ZNF331: variants seen among roughly 807,000 people sequenced by gnomAD.
The protein encoded by ZNF331 is zinc finger protein 331.
In ZNF331, 2 loss-of-function variants were observed where a neutral mutation model predicts 7.0. That is an observed-to-expected ratio of 0.29 (90% CI 0.12 to 0.90). The LOEUF is 0.90. Among genes scored for constraint, ZNF331 ranks in the 40% least tolerant of loss-of-function variants. ZNF331 has a pLI of 0.58. For missense variants in ZNF331, 432 were observed against 587.7 expected, an observed-to-expected ratio of 0.74 and a Z score of 2.74; for synonymous variants, 196 against 205.4, an observed-to-expected ratio of 0.95 and a Z score of 0.39.
At chr19:53,518,491 C>A (rs12984958), upstream of ZNF331, among the ~76,000 whole-genome samples, 51,389 of 152,014 alleles carry the variant, frequency 0.34, 8,890 homozygotes, top group Middle Eastern at 0.42. Context: ...AGACATATAT[C>A]CTATTAGTTC....
chr19:53,576,819 G>A lies in ZNF331; in HGVS notation c.259G>A (p.Gly87Ser). The A allele has an allele frequency of 6.2e-7, 1 of 1,614,164 alleles. No individual in the cohort carries two copies. Among genetic ancestry groups the A allele is most frequent in the Non-Finnish European group, 8.5e-7 (1 of 1,180,038 alleles). ...CCTTGGCCGTAACTGGATATGTGAA[G>A]GTACGCTTGAAAGACCACAGCGCTC... ...KSLGRNWICE[G>S]TLERPQRSRG... Residue 87 changes from glycine (G) to serine (S), a missense_variant, in exon 6 of 6, where the codon GGT becomes AGT. Gly to Ser is a moderately conservative substitution (Grantham distance 56, BLOSUM62 0). This residue lies in a region of ZNF331 where 81 missense variants were observed against 70.3 expected (regional missense o/e 1.15). Transcript: ENST00000449416.
At chr19:53,557,504 A>T (rs143782606) in intron 3 of ZNF331, among the ~76,000 whole-genome samples, 2 of 152,150 alleles carry the variant, frequency 1.3e-5, no homozygotes, top group Non-Finnish European at 2.9e-5. Context: ...ATACCATCAC[A>T]TTGGGGAACA....
At chr19:53,520,648 C>T (rs939616281), upstream of ZNF331, among the ~76,000 whole-genome samples, 2 of 152,222 alleles carry the variant, frequency 1.3e-5, no homozygotes, top group African/African-American at 4.8e-5. Context: ...GCGCTTCCAG[C>T]GCTAAGGATT....
intron 2 of ZNF331, among the ~76,000 whole-genome samples, chr19:53,546,161 A>T (rs982443870): frequency 6.9e-6 from 1 of 144,186 alleles, no homozygotes; most frequent in African/African-American, 2.6e-5. Flanking sequence ...AAAAAAAAAA[A>T]TTATTATTTA....
At chr19:53,550,529 CTTTT>C (rs60619357) in intron 2 of ZNF331, among the ~76,000 whole-genome samples, 4 of 64,540 alleles carry the variant, frequency 6.2e-5, no homozygotes, top group Non-Finnish European at 1.0e-4. Flanking sequence ...TCTATTTTGT[CTTTT>C]TTTTTTTTTT....
chr19:53,577,676 G>A lies in ZNF331; in HGVS notation c.1116G>A (p.Gln372=). The A allele has an allele frequency of 6.2e-7, 1 of 1,614,152 alleles. No homozygotes were observed. Among genetic ancestry groups the A allele is most frequent in the Non-Finnish European group, 8.5e-7 (1 of 1,180,038 alleles). Residue 372 remains glutamine, a synonymous_variant, in exon 6 of 6, where the codon CAG becomes CAA. Coordinates refer to ENST00000449416, the MANE Select transcript of ZNF331 (RefSeq NM_001079906.2). ...KAFNCGYHLT[Q]HERIHTGETP... is the part of the protein sequence containing the mutation. ...TCAATTGTGGCTATCACCTCACTCA[G>A]CACGAGAGAATCCACACAGGCGAAA...
upstream of ZNF331, among the ~76,000 whole-genome samples, chr19:53,515,634 AT>A (rs561532987): frequency 2.0e-3 from 305 of 152,244 alleles, no homozygotes; most frequent in African/African-American, 7.2e-3. Context: ...AGTAGCTGGG[AT>A]TACAGGCATG....
intron 2 of ZNF331, among the ~76,000 whole-genome samples, chr19:53,526,043 T>TC (rs2147244121): frequency 6.6e-6 from 1 of 152,356 alleles, no homozygotes; most frequent in East Asian, 1.9e-4. Context: ...TCATATGGAT[T>TC]TTATCCTTCA....
chr19:53,564,264 G>A (rs1296193008), intron 3 of ZNF331, among the ~76,000 whole-genome samples: 3 of 151,346 alleles, frequency 2.0e-5, no homozygotes, highest in South Asian at 4.2e-4. Flanking sequence ...CAGATTATAC[G>A]TACCTTTTTA....
chr19:53,526,566 T>C (rs577870143), intron 2 of ZNF331, among the ~76,000 whole-genome samples: 1 of 152,174 alleles, frequency 6.6e-6, no homozygotes, highest in Admixed American at 6.5e-5. Context: ...TTTTTCTTTT[T>C]TTTTTGAGAC....
upstream of ZNF331, among the ~76,000 whole-genome samples, chr19:53,515,269 A>T (rs2086876779): frequency 6.6e-6 from 1 of 152,206 alleles, no homozygotes; most frequent in South Asian, 2.1e-4. Flanking sequence ...ATGAATGCAA[A>T]CCACAAGAAA....
Position 53,577,301 on chromosome 19 carries a change from C to T in ZNF331, c.741C>T (p.Asp247=). Residue 247 remains aspartate, a synonymous_variant, in exon 6 of 6, where the codon GAC becomes GAT. Coordinates refer to ENST00000449416, the MANE Select transcript of ZNF331 (RefSeq NM_001079906.2). ...GGGAGAAAGACTACGAATGCAAAGA[C>T]TGTGGGAAGACCTTTAGCCGTGTGT... ...HTGEKDYECK[D]CGKTFSRVYK... 6.2e-7 allele frequency: 1 copy of T among 1,613,172 alleles called. No individual in the cohort carries two copies. Among genetic ancestry groups the T allele is most frequent in the Non-Finnish European group, 8.5e-7 (1 of 1,179,868 alleles).
rs3746306 is a variant in ZNF331, at chr19:53,538,726, A to G, written c.-205+430A>G. On this transcript the variant is annotated intron_variant, in intron 1 of 5. Transcript: ENST00000449416. ...CTGGGTGACGCAGGTGTGTGTGACA[A>G]CACAACCTGTAGCTTCAGCGTCTCT... 6.9e-4 allele frequency: 106 copies of G among 153,138 alleles called. 1 individual carries two copies. The highest frequency in any genetic ancestry group is 6.2e-4 in the South Asian group (3 of 4,828). The allele number at this position is 153,138 out of a possible 1,614,324, so 9.5% of individuals were successfully genotyped here. A position where few individuals can be genotyped will look rare whatever the true frequency, so the allele number is the denominator to read the frequency against.
chr19:53,538,076 G>C (rs946643822), upstream of ZNF331: 3 of 152,368 alleles, frequency 2.0e-5, no homozygotes, highest in Non-Finnish European at 2.9e-5. Context: ...CTGTCTGCGC[G>C]CTGCGGCCGC....
At chr19:53,510,213 T>C in the ZNF331 span, among the ~76,000 whole-genome samples, 2 of 152,196 alleles carry the variant, frequency 1.3e-5, no homozygotes, top group Non-Finnish European at 2.9e-5. Context: ...CAATAGTCAC[T>C]TGAGGACCAT....
At chr19:53,545,366 T>C (rs1249075297) in intron 2 of ZNF331, among the ~76,000 whole-genome samples, 1 of 152,240 alleles carries the variant, frequency 6.6e-6, no homozygotes, top group East Asian at 1.9e-4. Flanking sequence ...AACTGCTGCC[T>C]GCACATTGTT....
the ZNF331 span, among the ~76,000 whole-genome samples, chr19:53,505,027 G>T: frequency 6.6e-6 from 1 of 152,194 alleles, no homozygotes; most frequent in Non-Finnish European, 1.5e-5. Flanking sequence ...CTCCTGGCAG[G>T]AGCAGGAAAG....
chr19:53,570,375 G>C (rs2090383189), intron 4 of ZNF331, among the ~76,000 whole-genome samples: 1 of 152,030 alleles, frequency 6.6e-6, no homozygotes, highest in Non-Finnish European at 1.5e-5. Context: ...ATCGGAGAAA[G>C]CCTTAGGTGT....
At chr19:53,572,557 T>TATAC (rs1555772468) in intron 5 of ZNF331, among the ~76,000 whole-genome samples, 1 of 92,764 alleles carries the variant, frequency 1.1e-5, no homozygotes, top group Admixed American at 1.0e-4. Context: ...ATATTATATA[T>TATAC]ACACACACAT....
Sources: gnomAD v4.1 joint callset for allele counts (sites outside exome capture counted in the v4.1 genomes callset) on GRCh38, gnomAD v4.1.1 for gene constraint, gnomAD v4.1.1 regional missense constraint, MANE v1.5 for transcripts, NCBI Gene and HGNC (gene_info 2026-07-23, HGNC 2026-07-21) for gene names.